The following ZFP37 variants were observed in gnomAD, a reference collection of about 807,000 sequenced individuals.
ZFP37 encodes zinc finger protein 37 homolog.
Under a neutral mutation model 52.1 loss-of-function variants are expected in ZFP37, and 38 were observed. That is an observed-to-expected ratio of 0.73 (90% CI 0.56 to 0.96). The LOEUF is 0.96. Among genes scored for constraint, ZFP37 ranks in the 40% least tolerant of loss-of-function variants. The pLI is 0.00. For missense variants in ZFP37, 695 were observed against 741.4 expected (o/e 0.94, Z 0.73); for synonymous variants, 253 against 259.5 (o/e 0.98, Z 0.24).
Position 113,043,656 on chromosome 9 carries a change from T to C in ZFP37, c.962A>G (p.Tyr321Cys). The stretch of plus-strand genomic sequence containing the variant: ...GGCTATCCCACATTCATTACATTCA[T>C]ATGGTTTCTCCCCAGTATGAACTCT... ...HQRVHTGEKP[Y>C]ECNECGIAFS... Residue 321 changes from tyrosine to cysteine, a missense_variant, in exon 4 of 4, where the codon TAT becomes TGT. This residue lies in a region of ZFP37 where 326 missense variants were observed against 400.5 expected (regional missense o/e 0.81). Transcript: ENST00000374227. 1.2e-6 allele frequency: 2 copies of C among 1,614,116 alleles called. No individual in the cohort carries two copies. Among genetic ancestry groups the C allele is most frequent in the South Asian group, 2.2e-5 (2 of 91,082 alleles).
chr9:113,043,383 T>G lies in ZFP37; in HGVS notation c.1235A>C (p.Lys412Thr), dbSNP rs1417178160. 6.2e-7 allele frequency: 1 copy of G among 1,614,158 alleles called. No individual in the cohort carries two copies. Among genetic ancestry groups the G allele is most frequent in the African/African-American group, 1.3e-5 (1 of 75,060 alleles). The change falls in exon 4 of 4, where the codon AAG (lysine) becomes ACG (threonine). Residue 412 changes from lysine (K) to threonine (T), a missense_variant. Transcript: ENST00000374227. ...AAGAGATGAGTTATACCTAAAAGAC[T>G]TCCCACATTCCTTACATTCATATGG... ...EKPYECKECG[K>T]SFRYNSSLTE...
rs1399688180 is a variant in ZFP37, at chr9:113,056,604, C to T, written c.85G>A (p.Gly29Arg). 1 of 1,613,942 alleles carries T rather than the reference C, an allele frequency of 6.2e-7. No individual in the cohort carries two copies. The highest frequency in any genetic ancestry group is 8.5e-7 in the Non-Finnish European group (1 of 1,180,026). The change falls in exon 1 of 4, where the codon GGG becomes AGG. Residue 29 changes from glycine to arginine, a missense_variant. Gly to Arg is a moderately radical substitution (Grantham distance 125). Around this residue, in one of 2 missense-constraint regions of ZFP37, gnomAD observed 369 missense variants for 340.9 expected, o/e 1.08. Coordinates refer to ENST00000374227, the MANE Select transcript of ZFP37 (RefSeq NM_003408.3). ...GACACAGCCATCTCCAGTGGTCGCCCGGCCTCTTTGGTCGTTTCCGCACTT... is the reference window on the plus strand; with the variant it reads ...GACACAGCCATCTCCAGTGGTCGCCTGGCCTCTTTGGTCGTTTCCGCACTT... ...RRSAETTKEA[G>R]RPLEMAVSEP... is the part of the protein sequence containing the mutation.
chr9:113,042,868 C>A lies in ZFP37; in HGVS notation c.1750G>T (p.Ala584Ser), dbSNP rs752619465. 2 of 1,613,754 alleles carry A rather than the reference C, an allele frequency of 1.2e-6. No individual in the cohort carries two copies. The highest frequency in any genetic ancestry group is 1.7e-4 in the Middle Eastern group (1 of 6,024). The change falls in exon 4 of 4, where the codon GCA becomes TCA. Residue 584 changes from alanine (A) to serine (S), a missense_variant. Transcript: ENST00000374227. Reference protein sequence around the residue: ...ECNECEKAFNAKSQLVIHQRS... With the variant: ...ECNECEKAFNSKSQLVIHQRS... The stretch of plus-strand genomic sequence containing the variant: ...TGATGTATAACAAGCTGTGATTTTG[C>A]ATTAAAGGCTTTTTCACATTCGTTA...
At chr9:113,051,716 A>G (rs1829060922) in intron 1 of ZFP37, among the ~76,000 whole-genome samples, 2 of 152,092 alleles carry the variant, frequency 1.3e-5, no homozygotes, top group Admixed American at 1.3e-4. Flanking sequence ...CAGCTTCCCA[A>G]AGTGCTGAGA....
chr9:113,050,788 T>C (rs772853933), intron 1 of ZFP37, among the ~76,000 whole-genome samples: 2 of 151,950 alleles, frequency 1.3e-5, no homozygotes, highest in African/African-American at 2.4e-5. Flanking sequence ...TTCCGGCTAC[T>C]TGGGAGGCAG....
At position 113,041,282 on chromosome 9, in the gene ZFP37, T is replaced by C. The variant is rs1828841370; in HGVS notation, c.*1443A>G. The C allele has an allele frequency of 1.3e-5, 2 of 152,082 alleles. No individual in the cohort carries two copies. Among genetic ancestry groups the C allele is most frequent in the South Asian group, 4.1e-4 (2 of 4,828 alleles). The allele number at this position is 152,082 out of a possible 1,614,324, so 9.4% of individuals were successfully genotyped here. A position where few individuals can be genotyped will look rare whatever the true frequency, so the allele number is the denominator to read the frequency against. The stretch of plus-strand genomic sequence containing the variant: ...GAGTAAAAAAAATCCAGGTGTGCAA[T>C]GGCAAATAGGTCTCCTGTGACAGTC... On this transcript the variant is annotated 3_prime_UTR_variant, in exon 4 of 4. Transcript: ENST00000374227.
chr9:113,049,283 TAAGAA>T, intron 3 of ZFP37, 74 bp downstream of exon 3: 1 of 1,480,190 alleles, frequency 6.8e-7, no homozygotes, highest in Admixed American at 2.2e-5. Context: ...ATTTTCTAGT[TAAGAA>T]AGAAAGGTCT....
Position 113,051,776 on chromosome 9 carries a change from C to A in ZFP37, c.133-1904G>T, listed in dbSNP as rs551422630. 3.3e-5 allele frequency among the ~76,000 whole-genome samples: 5 copies of A among 152,238 alleles called. No individual in the cohort carries two copies. The East Asian group carries it at 7.7e-4, about 24-fold the overall frequency. On this transcript the variant is annotated intron_variant, in intron 1 of 3. Transcript: ENST00000374227. ...GGCCAGACCACCATTCAATTACCTG[C>A]AAAAGTCATCAAATTAGCCCCACAG...
At chr9:113,055,195 ACTCTTTCTT>A (rs751479640) in intron 1 of ZFP37, among the ~76,000 whole-genome samples, 1 of 151,824 alleles carries the variant, frequency 6.6e-6, no homozygotes, top group Non-Finnish European at 1.5e-5. Flanking sequence ...TTCCTGAAAC[ACTCTTTCTT>A]CAGATCTCTG....
chr9:113,044,326 T>G, intron 3 of ZFP37, 58 bp from the exon 4 acceptor site: 3 of 1,449,438 alleles, frequency 2.1e-6, no homozygotes, highest in South Asian at 2.9e-5. Flanking sequence ...TATTTTGGAA[T>G]AAAACTGGTA....
intron 3 of ZFP37, among the ~76,000 whole-genome samples, chr9:113,048,907 T>A (rs1383627634): frequency 6.6e-6 from 1 of 152,256 alleles, no homozygotes; most frequent in East Asian, 1.9e-4. Flanking sequence ...ACCCTGTTTT[T>A]TTTTGCCTCT....
At chr9:113,053,297 T>C (rs1473812100) in intron 1 of ZFP37, among the ~76,000 whole-genome samples, 1 of 152,226 alleles carries the variant, frequency 6.6e-6, no homozygotes, top group East Asian at 1.9e-4. Flanking sequence ...GATTCCTTGT[T>C]CTAGCACCAT....
intron 3 of ZFP37, among the ~76,000 whole-genome samples, chr9:113,048,885 G>A (rs935177746): frequency 1.3e-5 from 2 of 150,768 alleles, no homozygotes; most frequent in South Asian, 2.1e-4. Flanking sequence ...GAGTTACCAT[G>A]TGGTTCCACT....
At chr9:113,056,146 G>A (rs963864728) in intron 1 of ZFP37, among the ~76,000 whole-genome samples, 1 of 151,908 alleles carries the variant, frequency 6.6e-6, no homozygotes, top group Non-Finnish European at 1.5e-5. Context: ...CCCAATCACT[G>A]AATTTCCCAA....
chr9:113,055,138 A>G (rs188036426), intron 1 of ZFP37, among the ~76,000 whole-genome samples: 171 of 152,250 alleles, frequency 1.1e-3, no homozygotes, highest in African/African-American at 3.7e-3. Context: ...TTTTAAGCAC[A>G]CCAAGTTTAC....
At chr9:113,053,510 C>A (rs538276772) in intron 1 of ZFP37, among the ~76,000 whole-genome samples, 1 of 152,160 alleles carries the variant, frequency 6.6e-6, no homozygotes, top group Non-Finnish European at 1.5e-5. Context: ...GCCAAATGGA[C>A]ACCTAATCCT....
intron 3 of ZFP37, among the ~76,000 whole-genome samples, chr9:113,046,887 A>ACC: frequency 6.6e-6 from 1 of 152,182 alleles, no homozygotes; most frequent in South Asian, 2.1e-4. Flanking sequence ...AAGCGGGTGG[A>ACC]TCACAAGGTC....
chr9:113,043,399 A>C lies in ZFP37; in HGVS notation c.1219T>G (p.Cys407Gly). 1 of 1,614,138 alleles carries C rather than the reference A, an allele frequency of 6.2e-7. No individual in the cohort carries two copies. The highest frequency in any genetic ancestry group is 8.5e-7 in the Non-Finnish European group (1 of 1,179,988). The change falls in exon 4 of 4, where the codon TGT becomes GGT. Residue 407 changes from cysteine to glycine, a missense_variant. Cys to Gly is a radical substitution (Grantham distance 159). This residue lies in a region of ZFP37 where 326 missense variants were observed against 400.5 expected (regional missense o/e 0.81). Coordinates refer to ENST00000374227, the MANE Select transcript of ZFP37 (RefSeq NM_003408.3). ...RSHTGEKPYE[C>G]KECGKSFRYN... ...CTAAAAGACTTCCCACATTCCTTAC[A>C]TTCATATGGCTTCTCACCTGTGTGA...
intron 1 of ZFP37, among the ~76,000 whole-genome samples, chr9:113,054,933 C>A (rs1489842162): frequency 6.6e-6 from 1 of 152,190 alleles, no homozygotes; most frequent in Non-Finnish European, 1.5e-5. Flanking sequence ...CCATGGTGAT[C>A]TTTTCAAGGT....
Sources: allele counts gnomAD v4.1 joint callset (sites outside exome capture counted in the v4.1 genomes callset), GRCh38; gene constraint gnomAD v4.1.1; regional missense constraint gnomAD v4.1.1; transcripts MANE v1.5; gene names NCBI Gene and HGNC (gene_info 2026-07-23, HGNC 2026-07-21).